CRADD: variants seen among roughly 807,000 people sequenced by gnomAD.
CRADD encodes the protein CARD and death domain containing adaptor protein, also known as death domain-containing protein CRADD.
CRADD carries 9 observed loss-of-function variants against 15.5 expected under a neutral mutation model. The observed-to-expected ratio is 0.58, with a 90% CI of 0.35 to 1.01. The LOEUF is 1.01. Among genes scored for constraint, CRADD ranks in the 50% least tolerant of loss-of-function variants. The probability of loss-of-function intolerance (pLI) is 0.02; values close to 1 mark genes in which losing one functional copy is unlikely to be tolerated. For synonymous variants in CRADD, 118 were observed against 107.6 expected, an observed-to-expected ratio of 1.10 and a Z score of -0.60; for missense variants, 227 against 250.3, an observed-to-expected ratio of 0.91 and a Z score of 0.63.
chr12:93,814,213 T>G (rs969007670), intron 2 of CRADD, among the ~76,000 whole-genome samples: 2 of 152,144 alleles, frequency 1.3e-5, no homozygotes, highest in African/African-American at 4.8e-5. Context: ...ATGAGCAAAT[T>G]GTTCCCGCTG....
chr12:93,687,154 A>G (rs1241528082), intron 2 of CRADD, among the ~76,000 whole-genome samples: 2 of 152,210 alleles, frequency 1.3e-5, no homozygotes, highest in African/African-American at 4.8e-5. Context: ...GAAATAATGC[A>G]TCTGTTGGCA....
rs564407219 is a variant in CRADD, at chr12:93,882,420, C to CAA, written c.299-11612_299-11611dup. On this transcript the variant is annotated intron_variant, in intron 2 of 2. Transcript: ENST00000548483. ...AGGGCGACAGAGCGAGACTCTGTCT[C>CAA]AAAAAAAAAAAAAAAAAAACGGAAA... Among the ~76,000 whole-genome samples, 146 of 65,462 alleles carry CAA rather than the reference C, an allele frequency of 2.2e-3. 1 individual carries two copies. The highest frequency in any genetic ancestry group is 8.9e-3 in the Middle Eastern group (1 of 112). The allele number at this position is 65,462 out of a possible 152,430, so 42.9% of individuals were successfully genotyped here.
rs1008519816 is a variant in CRADD at position 93,741,021 on chromosome 12, C to T, written c.298+61949C>T. Among the ~76,000 whole-genome samples, 29 of 152,068 alleles carry T rather than the reference C, an allele frequency of 1.9e-4. 1 individual carries two copies. The highest frequency in any genetic ancestry group is 6.8e-4 in the African/African-American group (28 of 41,394). On this transcript the variant is annotated intron_variant, in intron 2 of 2. Transcript: ENST00000332896. ...CACTCAAAAATTATACTTGCTTTTC[C>T]TGAAGGCCAGCTATTAAGTTAGAAA...
At chr12:93,836,641 G>A (rs528543126) in intron 2 of CRADD, among the ~76,000 whole-genome samples, 6 of 152,296 alleles carry the variant, frequency 3.9e-5, no homozygotes, top group Admixed American at 3.9e-4. Flanking sequence ...TAAATACAAA[G>A]TAAATTAAAA....
At chr12:93,884,338 G>A (rs1340072688) in intron 2 of CRADD, among the ~76,000 whole-genome samples, 5 of 152,180 alleles carry the variant, frequency 3.3e-5, no homozygotes, top group Non-Finnish European at 7.3e-5. Flanking sequence ...GTACCTTCTA[G>A]AAGGATGCAG....
chr12:93,855,927 C>A (rs919294136), intron 2 of CRADD, among the ~76,000 whole-genome samples: 1 of 152,216 alleles, frequency 6.6e-6, no homozygotes, highest in Non-Finnish European at 1.5e-5. Flanking sequence ...AAGCGATTCT[C>A]CTGCCTCAGC....
chr12:93,839,515 A>G (rs1958023147), intron 2 of CRADD, among the ~76,000 whole-genome samples: 1 of 152,188 alleles, frequency 6.6e-6, no homozygotes, highest in Non-Finnish European at 1.5e-5. Context: ...AATTTTACCC[A>G]CACTGCCAAC....
intron 2 of CRADD, among the ~76,000 whole-genome samples, chr12:93,864,631 T>G (rs139180444): frequency 0.018 from 2,748 of 152,332 alleles, 39 homozygotes; most frequent in Non-Finnish European, 0.026. Context: ...AATGTAGCTC[T>G]CTGAGGGCCC....
At position 93,683,557 on chromosome 12, in the gene CRADD, T is replaced by C. The variant is rs11830909; in HGVS notation, c.298+4485T>C. 9.7e-3 allele frequency among the ~76,000 whole-genome samples: 1,479 copies of C among 152,280 alleles called. 18 individuals carry two copies. The highest frequency in any genetic ancestry group is 0.034 in the African/African-American group (1,416 of 41,572). Reference sequence around the variant, plus strand: ...GCTTGATCTTGTCCTCCCCATAGACTCTGTGCCCTGGACTCCCTGGCTGCT... The same window carrying C: ...GCTTGATCTTGTCCTCCCCATAGACCCTGTGCCCTGGACTCCCTGGCTGCT... On this transcript the variant is annotated intron_variant, in intron 2 of 2. Coordinates refer to ENST00000332896, the MANE Select transcript of CRADD (RefSeq NM_003805.5).
In CRADD at chr12:93,815,086, G is replaced by A. The variant is rs573075173; in HGVS notation, c.299-34884G>A. 3.3e-5 allele frequency: 5 copies of A among 152,304 alleles called. No homozygotes were observed. The East Asian group carries it at 9.6e-4, about 29-fold the overall frequency. The allele number at this position is 152,304 out of a possible 1,614,324, so 9.4% of individuals were successfully genotyped here. ...GGCAGGTGCAGAACTGCTAAACAAT[G>A]CTCTGGGCAATCCCACAAAGCGACC... On this transcript the variant is annotated intron_variant, in intron 2 of 2. Transcript: ENST00000332896.
chr12:93,878,791 C>G (rs945590935), intron 2 of CRADD, among the ~76,000 whole-genome samples: 1 of 152,164 alleles, frequency 6.6e-6, no homozygotes, highest in East Asian at 1.9e-4. Context: ...GGAAGGGTGG[C>G]ATCGGCAATT....
intron 2 of CRADD, among the ~76,000 whole-genome samples, chr12:93,714,318 C>G (rs1408447958): frequency 5.9e-5 from 9 of 152,184 alleles, no homozygotes; most frequent in Admixed American, 5.9e-4. Flanking sequence ...TTTACAGCTA[C>G]ATGAAATAAA....
intron 2 of CRADD, among the ~76,000 whole-genome samples, chr12:93,749,982 C>T (rs1592958678): frequency 6.6e-6 from 1 of 152,206 alleles, no homozygotes; most frequent in East Asian, 1.9e-4. Context: ...ATGAATAAAC[C>T]TTTAGGGGCA....
At chr12:93,767,696 AG>A (rs1957040431) in intron 2 of CRADD, among the ~76,000 whole-genome samples, 1 of 152,210 alleles carries the variant, frequency 6.6e-6, no homozygotes, top group Non-Finnish European at 1.5e-5. Context: ...TTAATTTAAA[AG>A]CCTGAATCAT....
chr12:93,727,350 T>C (rs1956386533), intron 2 of CRADD, among the ~76,000 whole-genome samples: 1 of 152,196 alleles, frequency 6.6e-6, no homozygotes, highest in Admixed American at 6.5e-5. Context: ...ACAGTTAATA[T>C]TGAGCTCATG....
In CRADD at chr12:93,847,038, GC is replaced by G. The variant is rs550972429; in HGVS notation, c.299-2931del. Among the ~76,000 whole-genome samples, 18 of 152,338 alleles carry G rather than the reference GC, an allele frequency of 1.2e-4. No homozygotes were observed. The South Asian group carries it at 3.7e-3, about 32-fold the overall frequency. ...GAATGGCATGAACCCAGGAGGCAGA[GC>G]TTGCAGTGAGCTGAGATCACGCCAC... On this transcript the variant is annotated intron_variant, in intron 2 of 2. Coordinates refer to ENST00000332896, the MANE Select transcript of CRADD (RefSeq NM_003805.5).
intron 2 of CRADD, chr12:93,714,511 A>G (rs781355039): frequency 6.6e-6 from 1 of 152,262 alleles, no homozygotes; most frequent in Admixed American, 6.5e-5. Context: ...CTTGGCAACA[A>G]GTAAACAAAC....
At chr12:93,846,700 C>G (rs536258736) in intron 2 of CRADD, among the ~76,000 whole-genome samples, 1 of 151,604 alleles carries the variant, frequency 6.6e-6, no homozygotes, top group East Asian at 1.9e-4. Flanking sequence ...AATATAACAG[C>G]CATGGAGGAG....
In CRADD at chr12:93,688,990, T is replaced by C. The variant is rs1955502028; in HGVS notation, c.298+9918T>C. On this transcript the variant is annotated intron_variant, in intron 2 of 2. Coordinates refer to ENST00000332896, the MANE Select transcript of CRADD (RefSeq NM_003805.5). ...GTTGGTATCTCTCTCGTATCTCTCA[T>C]TTTATACTTTTTTGGTTGGGGGAAG... Among the ~76,000 whole-genome samples, 4 of 152,280 alleles carry C rather than the reference T, an allele frequency of 2.6e-5. No individual in the cohort carries two copies. In the South Asian group the frequency reaches 8.3e-4, roughly 32 times the overall value.
Sources: allele counts gnomAD v4.1 joint callset (sites outside exome capture counted in the v4.1 genomes callset), GRCh38; gene constraint gnomAD v4.1.1; transcripts MANE v1.5; gene names NCBI Gene and HGNC (gene_info 2026-07-23, HGNC 2026-07-21).